Variants in ZFHX3 observed in about 807,000 individuals in gnomAD.
ZFHX3 encodes zinc finger homeobox 3, also known as zinc finger homeobox protein 3.
ZFHX3 carries 42 observed loss-of-function variants against 279.1 expected under a neutral mutation model. The observed-to-expected ratio is 0.15, with a 90% CI of 0.12 to 0.19. The LOEUF is 0.19. ZFHX3 is among the 10% of genes least tolerant of loss of function. The probability of loss-of-function intolerance (pLI) is 1.00; values close to 1 mark genes in which losing one functional copy is unlikely to be tolerated. For synonymous variants in ZFHX3, 2,293 were observed against 1,957.8 expected (o/e 1.17, Z -4.52); for missense variants, 4,981 against 4,754.0 (o/e 1.05, Z -1.40).
chr16:73,010,043 A>AAAAAAAAAC (rs1963858694), intron 1 of ZFHX3, among the ~76,000 whole-genome samples: 1 of 149,374 alleles, frequency 6.7e-6, no homozygotes, highest in Non-Finnish European at 1.5e-5. Flanking sequence ...AAAAAAAAAA[A>AAAAAAAAAC]CTCATAAAGG....
chr16:73,416,765 CAG>C (rs2017593233), intron 3 of ZFHX3, among the ~76,000 whole-genome samples: 3 of 140,116 alleles, frequency 2.1e-5, no homozygotes, highest in Admixed American at 7.1e-5. Context: ...TCCCAGCTAC[CAG>C]GGAGGCTGAA....
chr16:73,747,939 A>C (rs192636602), intron 1 of ZFHX3, among the ~76,000 whole-genome samples: 2 of 152,352 alleles, frequency 1.3e-5, no homozygotes, highest in Admixed American at 1.3e-4. Context: ...ACCCTCGCAC[A>C]TAAACTGTCA....
chr16:72,786,098 G>C lies in ZFHX3; in HGVS notation c.*1066C>G, dbSNP rs926183258. ...GAAAGTGGAATTAAGGGACAAGAAA[G>C]AGAAAGTGGAATTAAGGGACAAGGG... On this transcript the variant is annotated 3_prime_UTR_variant, in exon 10 of 10. Transcript: ENST00000268489. 2 of 152,096 alleles carry C rather than the reference G, an allele frequency of 1.3e-5. No homozygotes were observed. The highest frequency in any genetic ancestry group is 4.2e-4 in the South Asian group (2 of 4,816). The allele number at this position is 152,096 out of a possible 1,614,324, so 9.4% of individuals were successfully genotyped here. A position where few individuals can be genotyped will look rare whatever the true frequency, so the allele number is the denominator to read the frequency against.
chr16:73,031,560 G>A (rs1225383140), intron 1 of ZFHX3, among the ~76,000 whole-genome samples: 1 of 152,134 alleles, frequency 6.6e-6, no homozygotes, highest in Non-Finnish European at 1.5e-5. Flanking sequence ...TTTGCATTTC[G>A]TGGAGACATC....
At chr16:73,266,711 C>G (rs1183232890) in intron 4 of ZFHX3, among the ~76,000 whole-genome samples, 1 of 152,180 alleles carries the variant, frequency 6.6e-6, no homozygotes, top group Admixed American at 6.6e-5. Context: ...GGGAATGGAG[C>G]TTTTCTGTGC....
At chr16:73,785,053 T>C (rs953625861) in intron 1 of ZFHX3, among the ~76,000 whole-genome samples, 1 of 152,124 alleles carries the variant, frequency 6.6e-6, no homozygotes, top group Non-Finnish European at 1.5e-5. Context: ...GATTTCAAAC[T>C]ATGGAAAACG....
rs1243204509 is a variant in ZFHX3, at chr16:72,928,186, G to C, written c.3216+22283C>G. On this transcript the variant is annotated intron_variant, in intron 3 of 9. Coordinates refer to ENST00000268489, the MANE Select transcript of ZFHX3 (RefSeq NM_006885.4). ...AGAGAGGGAGGGGGAGGGGAGAGAG[G>C]GAGGGGGAGGGGAGCGAGGGGGAGC... Among the ~76,000 whole-genome samples, 173 of 51,906 alleles carry C rather than the reference G, an allele frequency of 3.3e-3. 33 individuals are homozygous for C. The highest frequency in any genetic ancestry group is 0.013 in the African/African-American group (136 of 10,082). 34.1% of individuals were successfully genotyped at this position (51,906 alleles called of 152,430 possible). A position where few individuals can be genotyped will look rare whatever the true frequency, so the allele number is the denominator to read the frequency against.
chr16:73,206,700 C>CAATT (rs2011817726), intron 5 of ZFHX3, among the ~76,000 whole-genome samples: 1 of 152,042 alleles, frequency 6.6e-6, no homozygotes, highest in Non-Finnish European at 1.5e-5. Context: ...TCTCGATATA[C>CAATT]AATTAAACAG....
intron 4 of ZFHX3, among the ~76,000 whole-genome samples, chr16:72,884,249 C>T (rs1373175250): frequency 3.3e-5 from 5 of 152,194 alleles, no homozygotes; most frequent in African/African-American, 4.8e-5. Flanking sequence ...ACCACATTAT[C>T]ACTTGGCAAG....
intron 1 of ZFHX3, among the ~76,000 whole-genome samples, chr16:72,977,028 C>A (rs1204202114): frequency 6.6e-6 from 1 of 152,202 alleles, no homozygotes; most frequent in Non-Finnish European, 1.5e-5. Context: ...GGCATGCCAT[C>A]CCACAAATGG....
intron 7 of ZFHX3, among the ~76,000 whole-genome samples, chr16:72,802,623 T>C (rs2036141155): frequency 6.6e-6 from 1 of 152,162 alleles, no homozygotes; most frequent in Non-Finnish European, 1.5e-5. Flanking sequence ...AAGAGGAAGA[T>C]TCCTAAAGAG....
chr16:73,381,344 T>A (rs1431350208), intron 3 of ZFHX3, among the ~76,000 whole-genome samples: 1 of 152,150 alleles, frequency 6.6e-6, no homozygotes, highest in African/African-American at 2.4e-5. Context: ...GGTAATTTCA[T>A]GAATAGCTAT....
chr16:73,402,502 A>C (rs2143435638), intron 3 of ZFHX3: 1 of 152,292 alleles, frequency 6.6e-6, no homozygotes, highest in African/African-American at 2.4e-5. Flanking sequence ...AAGTCTTTAA[A>C]CTCTTAACTC....
chr16:73,378,351 A>C (rs1376246171), intron 3 of ZFHX3, among the ~76,000 whole-genome samples: 1 of 152,114 alleles, frequency 6.6e-6, no homozygotes, highest in Admixed American at 6.6e-5. Context: ...ATCCCCACCA[A>C]ATGATTGGCC....
chr16:73,122,808 A>C (rs1443456872), intron 7 of ZFHX3, among the ~76,000 whole-genome samples: 1 of 152,136 alleles, frequency 6.6e-6, no homozygotes, highest in Non-Finnish European at 1.5e-5. Context: ...CTGGGAGCTG[A>C]GCACTGCTGC....
chr16:73,606,645 G>A (rs921911467), intron 2 of ZFHX3, among the ~76,000 whole-genome samples: 5 of 151,982 alleles, frequency 3.3e-5, no homozygotes, highest in Non-Finnish European at 7.4e-5. Flanking sequence ...ATAGGTAAAC[G>A]GTGGCTGTTA....
At chr16:73,318,387 G>A (rs1009763361) in intron 3 of ZFHX3, 3 of 152,226 alleles carry the variant, frequency 2.0e-5, no homozygotes, top group Non-Finnish European at 4.4e-5. Context: ...TCACGACACA[G>A]CTTCTCTCCC....
At chr16:73,182,913 T>A (rs1437985711) in intron 5 of ZFHX3, among the ~76,000 whole-genome samples, 1 of 149,602 alleles carries the variant, frequency 6.7e-6, no homozygotes, top group Admixed American at 6.6e-5. Context: ...GGTGAAAAAT[T>A]ACCTCTTGGG....
chr16:72,812,988 A>G (rs1325716521), intron 5 of ZFHX3, among the ~76,000 whole-genome samples: 1 of 152,216 alleles, frequency 6.6e-6, no homozygotes, highest in Non-Finnish European at 1.5e-5. Context: ...TCCTCCTTCC[A>G]GTAGAGGCAA....
Sources: allele counts gnomAD v4.1 joint callset (sites outside exome capture counted in the v4.1 genomes callset), GRCh38; gene constraint gnomAD v4.1.1; transcripts MANE v1.5; gene names NCBI Gene and HGNC (gene_info 2026-07-23, HGNC 2026-07-21).